Variants in DOK6 observed in about 807,000 individuals in gnomAD.
DOK6 encodes docking protein 6.
In DOK6, 22 loss-of-function variants were observed where a neutral mutation model predicts 44.0. That is an observed-to-expected ratio of 0.50 (90% CI 0.36 to 0.71). DOK6 has a LOEUF of 0.71. Ranked by LOEUF, DOK6 falls within the 30% of genes least tolerant of loss-of-function variation. The pLI is 0.00. For synonymous variants in DOK6, 166 were observed against 145.5 expected (o/e 1.14, Z -1.01); for missense variants, 340 against 416.4 (o/e 0.82, Z 1.60).
chr18:69,612,501 C>A (rs1984182870), intron 3 of DOK6, among the ~76,000 whole-genome samples: 2 of 65,082 alleles, frequency 3.1e-5, no homozygotes, highest in South Asian at 9.2e-4. Context: ...AGAGGCCGTG[C>A]ATGAGCTGCT....
At chr18:69,656,302 A>C (rs1004957571) in intron 3 of DOK6, among the ~76,000 whole-genome samples, 1 of 152,374 alleles carries the variant, frequency 6.6e-6, no homozygotes, top group Non-Finnish European at 1.5e-5. Flanking sequence ...TGATTAACCT[A>C]GATCTTTACA....
intron 1 of DOK6, among the ~76,000 whole-genome samples, chr18:69,497,301 A>T (rs1159875230): frequency 6.6e-6 from 1 of 152,220 alleles, no homozygotes; most frequent in Non-Finnish European, 1.5e-5. Context: ...TATTACTCTA[A>T]TAGAGAAGCT....
intron 3 of DOK6, among the ~76,000 whole-genome samples, chr18:69,634,534 T>C (rs962073775): frequency 6.6e-6 from 1 of 152,216 alleles, no homozygotes; most frequent in Non-Finnish European, 1.5e-5. Context: ...AGATGATCTT[T>C]AATACTCATT....
At chr18:69,588,709 G>A (rs1983560157) in intron 2 of DOK6, among the ~76,000 whole-genome samples, 2 of 152,018 alleles carry the variant, frequency 1.3e-5, no homozygotes, top group African/African-American at 2.4e-5. Flanking sequence ...ATCAGGTTCT[G>A]GTAAGAGTGA....
chr18:69,425,855 C>A (rs927697445), intron 1 of DOK6, among the ~76,000 whole-genome samples: 2 of 152,050 alleles, frequency 1.3e-5, no homozygotes, highest in African/African-American at 4.8e-5. Flanking sequence ...AAGGAGTGGG[C>A]AAAACTGTCC....
chr18:69,627,080 G>C (rs1244329207), intron 3 of DOK6, among the ~76,000 whole-genome samples: 1 of 152,148 alleles, frequency 6.6e-6, no homozygotes, highest in African/African-American at 2.4e-5. Context: ...AGTGAGACGG[G>C]CAGTCATTGA....
chr18:69,826,971 T>C (rs1981758942), intron 7 of DOK6, among the ~76,000 whole-genome samples: 1 of 152,138 alleles, frequency 6.6e-6, no homozygotes, highest in South Asian at 2.1e-4. Context: ...TACTAAACCT[T>C]GGGAAATGCA....
At chr18:69,449,814 C>A (rs201122558) in intron 1 of DOK6, among the ~76,000 whole-genome samples, 19,504 of 150,628 alleles carry the variant, frequency 0.13, 1,511 homozygotes, top group South Asian at 0.27. Context: ...ACACCTCACA[C>A]GGCAGGGTAT....
At position 69,400,912 on chromosome 18, in the gene DOK6, C is replaced by G. The variant is rs1302418315; in HGVS notation, c.-333C>G. The G allele has an allele frequency of 6.8e-6, 1 of 147,340 alleles. No individual in the cohort carries two copies. The highest frequency in any genetic ancestry group is 2.0e-4 in the East Asian group (1 of 5,070). The allele number at this position is 147,340 out of a possible 1,614,324, so 9.1% of individuals were successfully genotyped here. On this transcript the variant is annotated 5_prime_UTR_variant, in exon 1 of 8. Coordinates refer to ENST00000382713, the MANE Select transcript of DOK6 (RefSeq NM_152721.6). The stretch of plus-strand genomic sequence containing the variant: ...TGTGCGCCGCCGAGCGAGGCGCCAG[C>G]CCGTGGGTGCTGCCGGGGGCGGCGG...
At chr18:69,592,775 C>A (rs181897543) in intron 2 of DOK6, among the ~76,000 whole-genome samples, 1 of 152,046 alleles carries the variant, frequency 6.6e-6, no homozygotes, top group East Asian at 1.9e-4. Flanking sequence ...TTTAAAAGTA[C>A]ATATTATTTT....
intron 7 of DOK6, among the ~76,000 whole-genome samples, chr18:69,816,985 A>C (rs1312733581): frequency 6.6e-6 from 1 of 152,242 alleles, no homozygotes; most frequent in Non-Finnish European, 1.5e-5. Flanking sequence ...GGACAGCAGC[A>C]TTCTCACACA....
intron 1 of DOK6, among the ~76,000 whole-genome samples, chr18:69,491,509 T>C (rs1287624826): frequency 2.0e-5 from 3 of 152,236 alleles, no homozygotes; most frequent in Admixed American, 6.5e-5. Context: ...AAAAAATCAG[T>C]AGAAGTACTT....
At chr18:69,742,217 C>T (rs1408030095) in intron 6 of DOK6, among the ~76,000 whole-genome samples, 1 of 151,904 alleles carries the variant, frequency 6.6e-6, no homozygotes, top group Non-Finnish European at 1.5e-5. Flanking sequence ...GAGTTTGAGA[C>T]CAGCCCAACC....
chr18:69,488,133 CTA>C (rs1201787300), intron 1 of DOK6, among the ~76,000 whole-genome samples: 2 of 152,122 alleles, frequency 1.3e-5, no homozygotes, highest in Non-Finnish European at 2.9e-5. Context: ...TAGTGTGTTT[CTA>C]TGACCTCTTC....
chr18:69,658,039 T>C (rs1985414297), intron 3 of DOK6, among the ~76,000 whole-genome samples: 1 of 151,974 alleles, frequency 6.6e-6, no homozygotes. Context: ...GTAGCCTCCA[T>C]CTTCTGGGCT....
At position 69,842,271 on chromosome 18, in the gene DOK6, C is replaced by T. The variant is rs959623265; in HGVS notation, c.*888C>T. 1 of 152,050 alleles carries T rather than the reference C, an allele frequency of 6.6e-6. No individual in the cohort carries two copies. The highest frequency in any genetic ancestry group is 1.5e-5 in the Non-Finnish European group (1 of 68,040). The allele number at this position is 152,050 out of a possible 1,614,324, so 9.4% of individuals were successfully genotyped here. On this transcript the variant is annotated 3_prime_UTR_variant, in exon 8 of 8. Coordinates refer to ENST00000382713, the MANE Select transcript of DOK6 (RefSeq NM_152721.6). ...AAAGAACCAGTCTAGCTGTCCTACA[C>T]ATCATGTCATACCCTGTCTTTCTGG... is the stretch of plus-strand genomic sequence containing the variant.
intron 2 of DOK6, among the ~76,000 whole-genome samples, chr18:69,569,335 G>A (rs1983060386): frequency 6.6e-6 from 1 of 152,204 alleles, no homozygotes; most frequent in Admixed American, 6.5e-5. Flanking sequence ...TAAAGCTTAA[G>A]CATCTCACTG....
chr18:69,430,582 C>A (rs550061403), intron 1 of DOK6, among the ~76,000 whole-genome samples: 1 of 152,150 alleles, frequency 6.6e-6, no homozygotes, highest in African/African-American at 2.4e-5. Context: ...AGATGTTTTT[C>A]TTTCCCTAAT....
intron 7 of DOK6, among the ~76,000 whole-genome samples, chr18:69,783,963 G>A (rs1314599908): frequency 6.6e-6 from 1 of 152,148 alleles, no homozygotes; most frequent in Non-Finnish European, 1.5e-5. Flanking sequence ...GGAGGCAGAG[G>A]CGTGTTGATC....
Sources: gnomAD v4.1 joint callset for allele counts (sites outside exome capture counted in the v4.1 genomes callset) on GRCh38, gnomAD v4.1.1 for gene constraint, MANE v1.5 for transcripts, NCBI Gene and HGNC (gene_info 2026-07-23, HGNC 2026-07-21) for gene names.